The following SNX31 variants were observed in gnomAD, a reference collection of about 807,000 sequenced individuals.
The protein encoded by SNX31 is sorting nexin-31.
A neutral mutation model predicts 65.4 loss-of-function variants in SNX31; 58 were observed. That is an observed-to-expected ratio of 0.89 (90% CI 0.72 to 1.10). The LOEUF is 1.10. Among genes scored for constraint, SNX31 ranks in the 50% least tolerant of loss-of-function variants. The probability of loss-of-function intolerance (pLI) is 0.00; values close to 1 mark genes in which losing one functional copy is unlikely to be tolerated. For synonymous variants in SNX31, 181 were observed against 190.1 expected (o/e 0.95, Z 0.39); for missense variants, 523 against 529.7 (o/e 0.99, Z 0.12).
At chr8:100,650,123 G>C (rs919962006), upstream of SNX31, among the ~76,000 whole-genome samples, 2 of 152,166 alleles carry the variant, frequency 1.3e-5, no homozygotes, top group African/African-American at 4.8e-5. Flanking sequence ...CTCATTTTTA[G>C]ACAGGTGCAT....
intron 10 of SNX31, among the ~76,000 whole-genome samples, chr8:100,591,808 A>G (rs753252320): frequency 1.2e-4 from 19 of 152,170 alleles, no homozygotes; most frequent in Non-Finnish European, 2.6e-4. Context: ...CAGCCTGGGT[A>G]ACAGAGTGAG....
chr8:100,612,093 G>A lies in SNX31; in HGVS notation c.524-6C>T, dbSNP rs1343537472. ...GTCAGCCAATTTTTTCACAACTAGA[G>A]AAAGGAGAAAGCCGGTCTTACTGGT... On this transcript the variant is annotated splice_polypyrimidine_tract_variant and splice_region_variant and intron_variant, in intron 6 of 13. Coordinates refer to ENST00000311812, the MANE Select transcript of SNX31 (RefSeq NM_152628.4). This position sits in a 1 kb window ranked among gnomAD's most constrained non-coding sequence, Gnocchi z 4.3. 6.2e-7 allele frequency: 1 copy of A among 1,605,816 alleles called. No individual in the cohort carries two copies. The highest frequency in any genetic ancestry group is 8.5e-7 in the Non-Finnish European group (1 of 1,172,502).
At chr8:100,631,598 C>T (rs530067873) in intron 3 of SNX31, among the ~76,000 whole-genome samples, 9 of 152,186 alleles carry the variant, frequency 5.9e-5, no homozygotes, top group South Asian at 4.1e-4. Flanking sequence ...CCACCACACC[C>T]GGCCTGTTTT....
In SNX31 at chr8:100,609,440, A is replaced by G. The variant is rs1816507037; in HGVS notation, c.612-877T>C. Among the ~76,000 whole-genome samples, 1 of 152,204 alleles carries G rather than the reference A, an allele frequency of 6.6e-6. No individual in the cohort carries two copies. Among genetic ancestry groups the G allele is most frequent in the African/African-American group, 2.4e-5 (1 of 41,448 alleles). ...GAACCCCAAGGCCAGGGGCCTATCC[A>G]GAGTTGCCCCTCTGAATCTTGACAG... is the stretch of plus-strand genomic sequence containing the variant. On this transcript the variant is annotated intron_variant, in intron 7 of 13. Transcript: ENST00000311812. The surrounding 1 kb of genome is among the most constrained non-coding windows in gnomAD (Gnocchi z 4.9).
upstream of SNX31, among the ~76,000 whole-genome samples, chr8:100,650,063 GCC>G (rs11294701): frequency 2.6e-5 from 4 of 151,562 alleles, no homozygotes; most frequent in South Asian, 2.1e-4. Flanking sequence ...AATACCAGAA[GCC>G]CCCCCCAAAT....
At chr8:100,624,936 G>A (rs1445641175) in intron 4 of SNX31, among the ~76,000 whole-genome samples, 3 of 151,862 alleles carry the variant, frequency 2.0e-5, no homozygotes, top group East Asian at 1.9e-4. Flanking sequence ...AGAGTAGCGG[G>A]GGCTATAGAC....
chr8:100,631,587 G>A (rs1039458054), intron 3 of SNX31, among the ~76,000 whole-genome samples: 6 of 151,880 alleles, frequency 4.0e-5, no homozygotes, highest in African/African-American at 1.5e-4. Flanking sequence ...ACAGGAGTGC[G>A]CCACCACACC....
rs546758859 is a variant in SNX31, at chr8:100,576,671, A to G, written c.1227+348T>C. Among the ~76,000 whole-genome samples, 79 of 152,338 alleles carry G rather than the reference A, an allele frequency of 5.2e-4. No individual in the cohort carries two copies. The highest frequency in any genetic ancestry group is 1.4e-3 in the African/African-American group (58 of 41,578). ...ACTTAAAAGTTGCTTTATACAGAGT[A>G]TACTGCAGAAAACTATGAGACCAAA... On this transcript the variant is annotated intron_variant, in intron 13 of 13. Coordinates refer to ENST00000311812, the MANE Select transcript of SNX31 (RefSeq NM_152628.4). This position sits in a 1 kb window ranked among gnomAD's most constrained non-coding sequence, Gnocchi z 4.8.
intron 1 of SNX31, among the ~76,000 whole-genome samples, chr8:100,655,061 A>G (rs972981558): frequency 4.8e-4 from 73 of 152,242 alleles, no homozygotes; most frequent in African/African-American, 1.7e-3. Context: ...GGCCAGTTAC[A>G]ACAACCTTAC....
At position 100,573,926 on chromosome 8, in the gene SNX31, C is replaced by CTTTTTTTTTTTTTTTTTTTTTTTTTT. The variant is rs752425672; in HGVS notation, c.1261_1262insAAAAAAAAAAAAAAAAAAAAAAAAAA (p.Ser421LysfsTer14). The CTTTTTTTTTTTTTTTTTTTTTTTTTT allele has an allele frequency of 1.3e-6, 2 of 1,586,998 alleles. No individual in the cohort carries two copies. The highest frequency in any genetic ancestry group is 1.8e-5 in the Admixed American group (1 of 54,282). ...GTCATCTTTAGCTATCTTAATCTTG[C>CTTTTTTTTTTTTTTTTTTTTTTTTTT]TTTTTCTTGATAGAAAACTAGAATA... On this transcript the variant is annotated frameshift_variant, in exon 14 of 14. Coordinates refer to ENST00000311812, the MANE Select transcript of SNX31 (RefSeq NM_152628.4). LOFTEE classifies it high-confidence loss of function.
At chr8:100,632,042 AGAGAAGGTAG>A (rs1192478909) in intron 3 of SNX31, among the ~76,000 whole-genome samples, 2 of 152,220 alleles carry the variant, frequency 1.3e-5, no homozygotes, top group African/African-American at 4.8e-5. Flanking sequence ...ACTGAGGCTC[AGAGAAGGTAG>A]GTATCTTGCC....
intron 8 of SNX31, among the ~76,000 whole-genome samples, chr8:100,600,975 T>A (rs1035670530): frequency 1.3e-5 from 2 of 152,016 alleles, no homozygotes; most frequent in African/African-American, 4.8e-5. Flanking sequence ...AATGTAAGCA[T>A]CACCAAAAGG....
chr8:100,638,726 A>G (rs1021595201), intron 2 of SNX31, among the ~76,000 whole-genome samples: 11 of 152,232 alleles, frequency 7.2e-5, no homozygotes, highest in African/African-American at 2.7e-4. Context: ...TAAATACCCA[A>G]CTGATTTGAA....
rs1342434252 is a variant in SNX31, at chr8:100,617,705, T to A, written c.347A>T (p.Lys116Ile). The part of the protein sequence containing the change: ...QLNTFDIATK[K>I]AYLDIFLPNE... ...GGGCAGAAATATGTCCAGATAAGCT[T>A]TCTTGGTGGCGATGTCAAATGTATT... Residue 116 changes from lysine (K) to isoleucine (I), a missense_variant, in exon 5 of 14, where the codon AAA becomes ATA. Physicochemically the swap from Lys to Ile is moderately radical, Grantham distance 102 (BLOSUM62 -3). Coordinates refer to ENST00000311812, the MANE Select transcript of SNX31 (RefSeq NM_152628.4). The A allele has an allele frequency of 5.0e-6, 8 of 1,613,546 alleles. No homozygotes were observed. The highest frequency in any genetic ancestry group is 6.8e-6 in the Non-Finnish European group (8 of 1,179,792).
upstream of SNX31, among the ~76,000 whole-genome samples, chr8:100,652,268 G>A (rs757136319): frequency 1.3e-5 from 2 of 152,172 alleles, no homozygotes; most frequent in Non-Finnish European, 2.9e-5. Flanking sequence ...GTGAGCCACC[G>A]CGCCCGGCCC....
intron 8 of SNX31, among the ~76,000 whole-genome samples, chr8:100,602,285 C>T (rs974306350): frequency 1.3e-5 from 2 of 152,104 alleles, no homozygotes; most frequent in South Asian, 2.1e-4. Context: ...GCTAAATACG[C>T]CTTAAATATT....
At chr8:100,589,853 TGTTG>T (rs1029349006) in intron 10 of SNX31, among the ~76,000 whole-genome samples, 17 of 152,348 alleles carry the variant, frequency 1.1e-4, no homozygotes, top group Admixed American at 3.3e-4. Flanking sequence ...CCTCTTCCAC[TGTTG>T]GCTATTTATG....
chr8:100,577,119 C>T (rs772994599), intron 12 of SNX31, 44 bp from the exon 13 acceptor site: 3 of 1,518,322 alleles, frequency 2.0e-6, no homozygotes, highest in Admixed American at 3.5e-5. Context: ...CCCAGAGAAG[C>T]AAGCACACAA....
At chr8:100,649,778 C>T (rs1316659045), upstream of SNX31, 4 of 413,506 alleles carry the variant, frequency 9.7e-6, no homozygotes, top group Middle Eastern at 6.2e-4. Flanking sequence ...CCACGGCCAC[C>T]CCCACCCCGG....
Sources: allele counts gnomAD v4.1 joint callset (sites outside exome capture counted in the v4.1 genomes callset), GRCh38; gene constraint gnomAD v4.1.1; non-coding constraint Gnocchi (gnomAD v3.1); transcripts MANE v1.5; gene names NCBI Gene and HGNC (gene_info 2026-07-23, HGNC 2026-07-21).